The following PROS1 variants were observed in gnomAD, a reference collection of about 807,000 sequenced individuals.
The protein encoded by PROS1 is protein S.
A neutral mutation model predicts 75.9 loss-of-function variants in PROS1; 29 were observed. The observed-to-expected ratio is 0.38, with a 90% CI of 0.28 to 0.52. The LOEUF (loss-of-function observed/expected upper bound fraction) is 0.52. Among genes scored for constraint, PROS1 ranks in the 20% least tolerant of loss-of-function variants. PROS1 has a pLI of 0.83. For missense variants in PROS1, 680 were observed against 810.3 expected, an observed-to-expected ratio of 0.84 and a Z score of 1.95; for synonymous variants, 245 against 280.6, an observed-to-expected ratio of 0.87 and a Z score of 1.27.
At chr3:93,925,577 C>T (rs866766749) in intron 2 of PROS1, among the ~76,000 whole-genome samples, 3 of 151,990 alleles carry the variant, frequency 2.0e-5, no homozygotes, top group African/African-American at 4.8e-5. Flanking sequence ...TGTGGTCACA[C>T]GTGTAATCCT....
intron 3 of PROS1, among the ~76,000 whole-genome samples, chr3:93,912,420 A>G (rs1328508837): frequency 1.3e-5 from 2 of 152,136 alleles, no homozygotes; most frequent in African/African-American, 2.4e-5. Context: ...AACAGTCACA[A>G]GTTCTAAGGA....
intron 3 of PROS1, among the ~76,000 whole-genome samples, chr3:93,918,734 T>C (rs1433813595): frequency 1.3e-5 from 2 of 152,086 alleles, no homozygotes; most frequent in South Asian, 2.1e-4. Context: ...TTACAAGAGA[T>C]GGGGTTTCAT....
intron 1 of PROS1, among the ~76,000 whole-genome samples, chr3:93,938,728 G>A (rs1020148150): frequency 6.6e-6 from 1 of 152,090 alleles, no homozygotes; most frequent in Non-Finnish European, 1.5e-5. Context: ...TTTCATCCGT[G>A]GACCCAAAAC....
At chr3:93,909,331 C>T (rs575816306) in intron 4 of PROS1, among the ~76,000 whole-genome samples, 16 of 148,412 alleles carry the variant, frequency 1.1e-4, no homozygotes, top group Admixed American at 6.1e-4. Context: ...GCTACTCAGG[C>T]GGCTGAGGCA....
chr3:93,927,135 T>A, intron 2 of PROS1, 115 bp downstream of exon 2: 1 of 1,338,952 alleles, frequency 7.5e-7, no homozygotes, highest in Non-Finnish European at 1.1e-6. Flanking sequence ...GTGTGGAAGG[T>A]GATACACAGA....
rs372436056 is a variant in PROS1 at position 93,973,717 on chromosome 3, C to G, written c.33G>C (p.Leu11=). ...GAAGCACTAGGAGGAGACACGCCAG[C>G]AGCGCCCCGCAGCGCCCACCCAGGA... MRVLGGRCGA[L]LACLLLVLPV... Residue 11 remains leucine (L), a synonymous_variant, in exon 1 of 15, where the codon CTG becomes CTC. Coordinates refer to ENST00000394236, the MANE Select transcript of PROS1 (RefSeq NM_000313.4). 4.3e-6 allele frequency: 7 copies of G among 1,613,676 alleles called. No homozygotes were observed. The African/African-American group carries it at 9.3e-5, about 22-fold the overall frequency.
intron 1 of PROS1, among the ~76,000 whole-genome samples, chr3:93,971,355 CTAAATAAATAAATAAATAAA>C (rs62998164): frequency 4.4e-4 from 60 of 136,878 alleles, no homozygotes; most frequent in African/African-American, 8.9e-4. Flanking sequence ...GACTCCATCT[CTAAATAAATAAATAAATAAA>C]TAAATAAATA....
intron 3 of PROS1, among the ~76,000 whole-genome samples, chr3:93,922,177 G>T (rs563544577): frequency 6.6e-6 from 1 of 152,052 alleles, no homozygotes; most frequent in Admixed American, 6.5e-5. Flanking sequence ...TTGAAGGGAG[G>T]GAGTCAGCAT....
intron 13 of PROS1, 132 bp from the exon 14 acceptor site, chr3:93,877,323 T>C: frequency 1.7e-6 from 1 of 602,336 alleles, no homozygotes; most frequent in Non-Finnish European, 2.9e-6. Context: ...AGCCTCTAAA[T>C]TTAAGGGAAA....
At chr3:93,932,224 GAATC>G (rs1374820561) in intron 1 of PROS1, among the ~76,000 whole-genome samples, 1 of 152,142 alleles carries the variant, frequency 6.6e-6, no homozygotes, top group Non-Finnish European at 1.5e-5. Context: ...CCTTTAATCT[GAATC>G]ATAACTGTTC....
intron 13 of PROS1, 113 bp downstream of exon 13, chr3:93,879,050 A>G (rs1286737509): frequency 5.4e-6 from 6 of 1,102,404 alleles, no homozygotes; most frequent in Admixed American, 2.3e-5. Flanking sequence ...AACACTTTAC[A>G]TAAGTTACTT....
At chr3:93,919,081 T>C (rs565171423) in intron 3 of PROS1, among the ~76,000 whole-genome samples, 1 of 152,254 alleles carries the variant, frequency 6.6e-6, no homozygotes, top group South Asian at 2.1e-4. Flanking sequence ...TCTCTACCCA[T>C]GATAAGACAC....
At chr3:93,969,462 T>C (rs1311666600) in intron 1 of PROS1, among the ~76,000 whole-genome samples, 1 of 152,236 alleles carries the variant, frequency 6.6e-6, no homozygotes, top group Non-Finnish European at 1.5e-5. Flanking sequence ...TTGTGGGAAC[T>C]GTTCTTCCGG....
In PROS1 at chr3:93,973,839, C is replaced by A. The variant is rs1398190990; in HGVS notation, c.-90G>T. On this transcript the variant is annotated 5_prime_UTR_variant, in exon 1 of 15. Transcript: ENST00000394236. ...CGCCGCGGAGCTGCGAGCCTGTGCG[C>A]CTCGGTCTGAGCCGTGCTGCGCGGC... is the stretch of plus-strand genomic sequence containing the variant. 2 of 1,199,196 alleles carry A rather than the reference C, an allele frequency of 1.7e-6. No homozygotes were observed. The highest frequency in any genetic ancestry group is 2.8e-4 in the Middle Eastern group (1 of 3,544). The allele number at this position is 1,199,196 out of a possible 1,614,324, so 74.3% of individuals were successfully genotyped here.
At chr3:93,961,936 C>T (rs1709711086) in intron 1 of PROS1, among the ~76,000 whole-genome samples, 1 of 152,094 alleles carries the variant, frequency 6.6e-6, no homozygotes, top group South Asian at 2.1e-4. Flanking sequence ...TTTTACGTCA[C>T]CCCTACCTAT....
chr3:93,928,945 T>A (rs894948491), intron 1 of PROS1: 83 of 316,422 alleles, frequency 2.6e-4, no homozygotes, highest in Middle Eastern at 2.4e-3. Flanking sequence ...AATGATAATA[T>A]CAATTATTGG....
At chr3:93,933,721 C>A (rs967143933) in intron 1 of PROS1, among the ~76,000 whole-genome samples, 1 of 152,106 alleles carries the variant, frequency 6.6e-6, no homozygotes. Context: ...GTCAGCAGTT[C>A]GAGACTAGCC....
chr3:93,936,433 A>C (rs1427696580), intron 1 of PROS1, among the ~76,000 whole-genome samples: 1 of 152,082 alleles, frequency 6.6e-6, no homozygotes, highest in Non-Finnish European at 1.5e-5. Context: ...TATATAAATA[A>C]ATAAATATAA....
At chr3:93,887,801 G>A (rs1708372219) in intron 10 of PROS1, among the ~76,000 whole-genome samples, 1 of 152,038 alleles carries the variant, frequency 6.6e-6, no homozygotes, top group Non-Finnish European at 1.5e-5. Flanking sequence ...CCTTTTTCCT[G>A]TAGCCATGCA....
Sources: allele counts gnomAD v4.1 joint callset (sites outside exome capture counted in the v4.1 genomes callset), GRCh38; gene constraint gnomAD v4.1.1; transcripts MANE v1.5; gene names NCBI Gene and HGNC (gene_info 2026-07-23, HGNC 2026-07-21).